The following KCNH8 variants were observed in gnomAD, a reference collection of about 807,000 sequenced individuals.
KCNH8 encodes the protein voltage-gated delayed rectifier potassium channel KCNH8.
A neutral mutation model predicts 103.6 loss-of-function variants in KCNH8; 70 were observed. The ratio of observed to expected loss-of-function variants is 0.68; its 90% CI spans 0.56 to 0.82. KCNH8 has a LOEUF of 0.82. KCNH8 is among the 40% of genes least tolerant of loss of function. The pLI, the probability that KCNH8 is intolerant of heterozygous loss-of-function variation, is 0.00. For missense variants in KCNH8, 1,217 were observed against 1,329.9 expected, an observed-to-expected ratio of 0.92 and a Z score of 1.32; for synonymous variants, 498 against 489.4, an observed-to-expected ratio of 1.02 and a Z score of -0.23.
chr3:19,534,181 C>T lies in KCNH8; in HGVS notation c.*82C>T, dbSNP rs1432179393. 4.1e-5 allele frequency: 42 copies of T among 1,021,258 alleles called. No homozygotes were observed. Among genetic ancestry groups the T allele is most frequent in the Non-Finnish European group, 5.6e-5 (39 of 693,364 alleles). 63.3% of individuals were successfully genotyped at this position (1,021,258 alleles called of 1,614,324 possible). On this transcript the variant is annotated 3_prime_UTR_variant, in exon 16 of 16. Transcript: ENST00000328405. ...AGTTTGCCTTTTTGCCTCTGGTGGGCATGAAGACTGAGCAAAGCTGGGAAT... is the reference window on the plus strand; with the variant it reads ...AGTTTGCCTTTTTGCCTCTGGTGGGTATGAAGACTGAGCAAAGCTGGGAAT...
intron 7 of KCNH8, among the ~76,000 whole-genome samples, chr3:19,431,619 TTG>T (rs1212487909): frequency 6.6e-6 from 1 of 152,104 alleles, no homozygotes; most frequent in Non-Finnish European, 1.5e-5. Flanking sequence ...ATGGGTTTGT[TTG>T]TTTGTTTTGT....
chr3:19,462,590 T>A (rs1327754876), intron 11 of KCNH8, among the ~76,000 whole-genome samples: 1 of 152,188 alleles, frequency 6.6e-6, no homozygotes, highest in Non-Finnish European at 1.5e-5. Flanking sequence ...ATTCTGTAGG[T>A]TGCCTGTTCA....
chr3:19,498,049 A>C (rs2068483363), intron 11 of KCNH8, among the ~76,000 whole-genome samples: 1 of 152,194 alleles, frequency 6.6e-6, no homozygotes, highest in African/African-American at 2.4e-5. Flanking sequence ...GTCTGAAATT[A>C]TGACAGCAAC....
intron 8 of KCNH8, among the ~76,000 whole-genome samples, chr3:19,443,556 G>A (rs903647504): frequency 2.0e-4 from 30 of 151,314 alleles, no homozygotes. Flanking sequence ...TAATATATGG[G>A]AGGAATATTT....
At chr3:19,226,085 A>G (rs375060394) in intron 1 of KCNH8, among the ~76,000 whole-genome samples, 8 of 152,346 alleles carry the variant, frequency 5.3e-5, no homozygotes, top group African/African-American at 1.4e-4. Flanking sequence ...TCTTAGATGT[A>G]TGTTCCAATG....
intron 1 of KCNH8, among the ~76,000 whole-genome samples, chr3:19,199,575 A>T (rs995755779): frequency 6.7e-6 from 1 of 149,534 alleles, no homozygotes. Context: ...TTTAAATTTT[A>T]TATAAATAAA....
chr3:19,333,591 C>T (rs1317238131), intron 3 of KCNH8, among the ~76,000 whole-genome samples: 1 of 152,122 alleles, frequency 6.6e-6, no homozygotes, highest in Non-Finnish European at 1.5e-5. Context: ...GTAACACTCT[C>T]ATAGTAACAA....
At chr3:19,395,361 G>T (rs202030382) in intron 7 of KCNH8, 50 bp downstream of exon 7, 1 of 1,297,534 alleles carries the variant, frequency 7.7e-7, no homozygotes, top group African/African-American at 1.5e-5. Context: ...TAAAAAAAAA[G>T]AGTATCAAGA....
At chr3:19,434,892 A>G (rs1270820893) in intron 7 of KCNH8, among the ~76,000 whole-genome samples, 1 of 152,150 alleles carries the variant, frequency 6.6e-6, no homozygotes, top group African/African-American at 2.4e-5. Flanking sequence ...CCTATTTAAT[A>G]ATGATCTCAA....
intron 5 of KCNH8, among the ~76,000 whole-genome samples, chr3:19,348,334 T>A (rs2065755035): frequency 6.6e-6 from 1 of 152,078 alleles, no homozygotes; most frequent in Non-Finnish European, 1.5e-5. Flanking sequence ...AGTGGTCCAC[T>A]CCTTGACGTG....
intron 1 of KCNH8, among the ~76,000 whole-genome samples, chr3:19,243,798 T>G (rs1228686973): frequency 1.3e-5 from 2 of 152,148 alleles, no homozygotes; most frequent in Non-Finnish European, 1.5e-5. Context: ...GCTGTTCCAG[T>G]CAGTTTGAAA....
rs1219239834 is a variant in KCNH8 at position 19,254,724 on chromosome 3, G to T, written c.310+837G>T. Among the ~76,000 whole-genome samples the T allele has an allele frequency of 2.0e-5, 3 of 152,098 alleles. No homozygotes were observed. The East Asian group carries it at 5.8e-4, about 29-fold the overall frequency. ...CAAAATTCTCATTTTTTCTTCAATA[G>T]CTTTCCTTTTCCCTTGTAGTAACAT... On this transcript the variant is annotated intron_variant, in intron 2 of 15. Coordinates refer to ENST00000328405, the MANE Select transcript of KCNH8 (RefSeq NM_144633.3).
At position 19,344,886 on chromosome 3, in the gene KCNH8, G is replaced by GA. The variant is rs575185143; in HGVS notation, c.570+2179dup. Among the ~76,000 whole-genome samples, 459 of 152,010 alleles carry GA rather than the reference G, an allele frequency of 3.0e-3. 2 individuals carry two copies. Among genetic ancestry groups the GA allele is most frequent in the Non-Finnish European group, 3.2e-3 (216 of 67,938 alleles). On this transcript the variant is annotated intron_variant, in intron 4 of 15. Transcript: ENST00000328405. ...TTTTATTAGTCCCATTTTAATGATG[G>GA]AAAAAAACACAACTTATTAGAAGCA... is the stretch of plus-strand genomic sequence containing the variant.
intron 14 of KCNH8, among the ~76,000 whole-genome samples, chr3:19,516,441 T>C (rs2068875713): frequency 6.6e-6 from 1 of 152,038 alleles, no homozygotes; most frequent in Non-Finnish European, 1.5e-5. Flanking sequence ...GAGTACAGTC[T>C]TGATTTATTG....
chr3:19,219,116 A>G (rs1272631107), intron 1 of KCNH8, among the ~76,000 whole-genome samples: 1 of 152,050 alleles, frequency 6.6e-6, no homozygotes, highest in Non-Finnish European at 1.5e-5. Context: ...TGAGTACTTG[A>G]ATGTGCTGCT....
At position 19,273,903 on chromosome 3, in the gene KCNH8, A is replaced by C. The variant is rs192930787; in HGVS notation, c.311-7295A>C. On this transcript the variant is annotated intron_variant, in intron 2 of 15. Coordinates refer to ENST00000328405, the MANE Select transcript of KCNH8 (RefSeq NM_144633.3). ...ACTAAAATAGCTGAATCTTGTTTTAAATAGTGGTTCTACTCTTATTCCTGG... is the reference window on the plus strand; with the variant it reads ...ACTAAAATAGCTGAATCTTGTTTTACATAGTGGTTCTACTCTTATTCCTGG... Among the ~76,000 whole-genome samples the C allele has an allele frequency of 1.0e-3, 152 of 152,262 alleles. 1 individual carries two copies. The highest frequency in any genetic ancestry group is 3.0e-3 in the African/African-American group (125 of 41,560).
intron 1 of KCNH8, among the ~76,000 whole-genome samples, chr3:19,183,911 T>C (rs1172678389): frequency 6.6e-6 from 1 of 152,158 alleles, no homozygotes. Context: ...CCAGTGTGTT[T>C]TTAAAAGTTT....
intron 3 of KCNH8, among the ~76,000 whole-genome samples, chr3:19,291,345 A>G (rs2064922426): frequency 6.6e-6 from 1 of 151,998 alleles, no homozygotes; most frequent in South Asian, 2.1e-4. Context: ...TAGGGTGTCA[A>G]TTTTAGATCT....
chr3:19,308,094 T>C (rs545462447), intron 3 of KCNH8, among the ~76,000 whole-genome samples: 1 of 151,986 alleles, frequency 6.6e-6, no homozygotes, highest in African/African-American at 2.4e-5. Context: ...AGATGATGAT[T>C]ATGCTACTCT....
Sources: allele counts gnomAD v4.1 joint callset (sites outside exome capture counted in the v4.1 genomes callset), GRCh38; gene constraint gnomAD v4.1.1; transcripts MANE v1.5; gene names NCBI Gene and HGNC (gene_info 2026-07-23, HGNC 2026-07-21).